The following TENM3 variants were observed in gnomAD, a reference collection of about 807,000 sequenced individuals.
TENM3 encodes teneurin-3.
TENM3 carries 63 observed loss-of-function variants against 255.1 expected under a neutral mutation model. The observed-to-expected ratio is 0.25, with a 90% CI of 0.20 to 0.30. The LOEUF is 0.30. Ranked by LOEUF, TENM3 falls within the 10% of genes least tolerant of loss-of-function variation. The pLI is 1.00. For synonymous variants in TENM3, 1,306 were observed against 1,322.3 expected, an observed-to-expected ratio of 0.99 and a Z score of 0.27; for missense variants, 2,929 against 3,461.1, an observed-to-expected ratio of 0.85 and a Z score of 3.86.
chr4:181,761,142 C>T, the TENM3 span, among the ~76,000 whole-genome samples: 26 of 152,086 alleles, frequency 1.7e-4, no homozygotes, highest in Admixed American at 1.2e-3. Context: ...CAAGAGTTCA[C>T]GGTTTTATTG....
intron 3 of TENM3, among the ~76,000 whole-genome samples, chr4:182,472,727 A>G (rs908873706): frequency 6.6e-6 from 1 of 151,516 alleles, no homozygotes; most frequent in South Asian, 2.1e-4. Flanking sequence ...TTATATCACA[A>G]TTTTTTTTTA....
intron 3 of TENM3, among the ~76,000 whole-genome samples, chr4:182,592,287 A>G (rs1034016359): frequency 6.6e-6 from 1 of 152,174 alleles, no homozygotes; most frequent in Non-Finnish European, 1.5e-5. Context: ...GTTTCTGGAA[A>G]GCCACAGAGT....
the TENM3 span, among the ~76,000 whole-genome samples, chr4:181,728,825 A>G: frequency 6.6e-6 from 1 of 152,106 alleles, no homozygotes. Flanking sequence ...CCTTTTCAAG[A>G]TGGAGTCGCT....
chr4:181,846,018 T>C, the TENM3 span, among the ~76,000 whole-genome samples: 7 of 152,234 alleles, frequency 4.6e-5, no homozygotes, highest in Non-Finnish European at 1.0e-4. Context: ...TGAAAGCCCC[T>C]TCTGAACTCT....
the TENM3 span, among the ~76,000 whole-genome samples, chr4:181,592,276 C>CACACACACACACACACACACAG: frequency 3.3e-5 from 5 of 151,340 alleles, 1 homozygote; most frequent in African/African-American, 1.2e-4. Context: ...CACACACACA[C>CACACACACACACACACACACAG]AGAGCTGAGA....
At chr4:182,494,966 G>A (rs528322871) in intron 3 of TENM3, among the ~76,000 whole-genome samples, 1 of 152,244 alleles carries the variant, frequency 6.6e-6, no homozygotes, top group African/African-American at 2.4e-5. Context: ...GCACCAAGTG[G>A]TACCAAGTTC....
the TENM3 span, among the ~76,000 whole-genome samples, chr4:181,958,018 A>T: frequency 6.6e-6 from 1 of 152,178 alleles, no homozygotes; most frequent in Non-Finnish European, 1.5e-5. Context: ...GAAGTCTTGG[A>T]AGAAATTAAA....
intron 6 of TENM3, among the ~76,000 whole-genome samples, chr4:182,656,756 T>C: frequency 6.6e-6 from 1 of 152,348 alleles, no homozygotes; most frequent in East Asian, 1.9e-4. Context: ...ATTTTGTAAA[T>C]ATAATTCTAA....
chr4:182,330,291 T>G (rs1367246142), intron 2 of TENM3, among the ~76,000 whole-genome samples: 1 of 152,120 alleles, frequency 6.6e-6, no homozygotes, highest in African/African-American at 2.4e-5. Context: ...TGTTTTTTTG[T>G]GTGAGGTTGG....
In TENM3 at chr4:182,800,502, GC is replaced by G; in HGVS notation, c.*152del. 1.1e-6 allele frequency: 1 copy of G among 931,284 alleles called. No homozygotes were observed. The highest frequency in any genetic ancestry group is 1.8e-5 in the South Asian group (1 of 57,136). 57.7% of individuals were successfully genotyped at this position (931,284 alleles called of 1,614,324 possible). Reference sequence around the variant, plus strand: ...CACCCACACCGCGAAAACAAGGACCGCTTTTTTCCGAATGACCTTAAAGGTG... The same window carrying G: ...CACCCACACCGCGAAAACAAGGACCGTTTTTTCCGAATGACCTTAAAGGTG... On this transcript the variant is annotated 3_prime_UTR_variant, in exon 28 of 28. Coordinates refer to ENST00000511685, the MANE Select transcript of TENM3 (RefSeq NM_001080477.4).
chr4:181,538,312 C>T, the TENM3 span, among the ~76,000 whole-genome samples: 1 of 152,152 alleles, frequency 6.6e-6, no homozygotes, highest in South Asian at 2.1e-4. Context: ...CATTCTTTTA[C>T]TCACTTATTC....
intron 3 of TENM3, among the ~76,000 whole-genome samples, chr4:182,360,349 G>A (rs1765873938): frequency 7.6e-6 from 1 of 131,712 alleles, no homozygotes. Flanking sequence ...TTAATGTGTG[G>A]GAGTCTAAGT....
chr4:181,582,392 A>G, the TENM3 span, among the ~76,000 whole-genome samples: 1 of 152,166 alleles, frequency 6.6e-6, no homozygotes. Flanking sequence ...CCTGATACTG[A>G]TGTACCTTCC....
intron 4 of TENM3, among the ~76,000 whole-genome samples, chr4:182,621,617 ATAT>A (rs1340806486): frequency 7.8e-5 from 8 of 102,358 alleles, no homozygotes; most frequent in South Asian, 2.7e-4. Context: ...ATATATAAAT[ATAT>A]ATATAAAATA....
chr4:182,426,709 T>C (rs1771250973), intron 3 of TENM3, among the ~76,000 whole-genome samples: 1 of 152,180 alleles, frequency 6.6e-6, no homozygotes. Flanking sequence ...TAATACTGTA[T>C]AAAAACCTCT....
At chr4:182,158,511 C>G (rs191380213) in intron 1 of TENM3, among the ~76,000 whole-genome samples, 1 of 152,238 alleles carries the variant, frequency 6.6e-6, no homozygotes, top group East Asian at 1.9e-4. Flanking sequence ...TCTTGAATGC[C>G]ATCCTCTTCT....
Position 182,530,507 on chromosome 4 carries a change from C to T in TENM3, c.512-70417C>T, listed in dbSNP as rs576165394. 2.6e-5 allele frequency among the ~76,000 whole-genome samples: 4 copies of T among 152,258 alleles called. No individual in the cohort carries two copies. In the South Asian group the frequency reaches 6.2e-4, roughly 24 times the overall value. ...TTGCTTGGTCTCGAGTAGAGTTCCT[C>T]GTCTTAGTACTAGCGACATTTCGAG... On this transcript the variant is annotated intron_variant, in intron 3 of 27. Transcript: ENST00000511685.
the TENM3 span, among the ~76,000 whole-genome samples, chr4:182,046,451 C>G: frequency 6.6e-6 from 1 of 151,914 alleles, no homozygotes; most frequent in Admixed American, 6.6e-5. Flanking sequence ...GCATGGTAAT[C>G]CCAGCACTTT....
At chr4:182,359,896 G>A (rs1350993529) in intron 3 of TENM3, among the ~76,000 whole-genome samples, 5 of 149,354 alleles carry the variant, frequency 3.3e-5, no homozygotes, top group East Asian at 2.0e-4. Context: ...CTTTGAATGC[G>A]TCCCAGAGAT....
Sources: allele counts gnomAD v4.1 joint callset (sites outside exome capture counted in the v4.1 genomes callset), GRCh38; gene constraint gnomAD v4.1.1; transcripts MANE v1.5; gene names NCBI Gene and HGNC (gene_info 2026-07-23, HGNC 2026-07-21).